Variants in PIAS2 observed in about 807,000 individuals in gnomAD.
PIAS2 encodes protein inhibitor of activated STAT 2, also known as E3 SUMO-protein ligase PIAS2.
Under a neutral mutation model 69.7 loss-of-function variants are expected in PIAS2, and 19 were observed. The ratio of observed to expected loss-of-function variants is 0.27; its 90% CI spans 0.19 to 0.40. The LOEUF (loss-of-function observed/expected upper bound fraction) is 0.40. Ranked by LOEUF, PIAS2 falls within the 10% of genes least tolerant of loss-of-function variation. The pLI is 1.00. For missense variants in PIAS2, 624 were observed against 757.0 expected, an observed-to-expected ratio of 0.82 and a Z score of 2.06; for synonymous variants, 261 against 263.2, an observed-to-expected ratio of 0.99 and a Z score of 0.08.
chr18:46,810,154 C>A lies in PIAS2; in HGVS notation c.*2279G>T, dbSNP rs1027303936. 1 of 148,082 alleles carries A rather than the reference C, an allele frequency of 6.8e-6. No individual in the cohort carries two copies. The highest frequency in any genetic ancestry group is 2.5e-5 in the African/African-American group (1 of 40,044). 9.2% of individuals were successfully genotyped at this position (148,082 alleles called of 1,614,324 possible). On this transcript the variant is annotated 3_prime_UTR_variant, in exon 14 of 14. Transcript: ENST00000585916. ...TATATGTAATTTCAGTGTAAAACAC[C>A]AAAACCGAACATTAAAACTGTTCAC...
chr18:46,906,961 A>T (rs1227294693), intron 1 of PIAS2, among the ~76,000 whole-genome samples: 3 of 152,278 alleles, frequency 2.0e-5, no homozygotes, highest in African/African-American at 7.2e-5. Context: ...ATATAATATT[A>T]AAAAACAAAA....
At chr18:46,877,393 A>G (rs946505808) in intron 2 of PIAS2, among the ~76,000 whole-genome samples, 4 of 152,084 alleles carry the variant, frequency 2.6e-5, no homozygotes, top group Admixed American at 2.0e-4. Flanking sequence ...CTTCTAAGCT[A>G]CCTGCTCTGT....
chr18:46,878,585 T>C (rs2051641191), intron 2 of PIAS2, among the ~76,000 whole-genome samples: 1 of 152,194 alleles, frequency 6.6e-6, no homozygotes, highest in Non-Finnish European at 1.5e-5. Context: ...AAATGCTTCC[T>C]AGGCTAGGTG....
At chr18:46,913,919 C>T (rs1199072682) in intron 1 of PIAS2, among the ~76,000 whole-genome samples, 3 of 152,216 alleles carry the variant, frequency 2.0e-5, no homozygotes, top group Non-Finnish European at 2.9e-5. Context: ...CCTCTTGCCT[C>T]TCAAAGCGCT....
At chr18:46,842,038 G>A (rs2045472075) in intron 8 of PIAS2, among the ~76,000 whole-genome samples, 2 of 151,946 alleles carry the variant, frequency 1.3e-5, no homozygotes, top group Admixed American at 1.3e-4. Context: ...AGATCAGCCT[G>A]GGCAACATGG....
intron 1 of PIAS2, chr18:46,905,959 C>T (rs1201763774): frequency 6.6e-6 from 1 of 151,906 alleles, no homozygotes; most frequent in Non-Finnish European, 1.5e-5. Context: ...TTAAATATCT[C>T]CAAACTGAGT....
intron 8 of PIAS2, among the ~76,000 whole-genome samples, chr18:46,837,667 T>C (rs2044660441): frequency 6.6e-6 from 1 of 152,192 alleles, no homozygotes; most frequent in African/African-American, 2.4e-5. Flanking sequence ...TTTAGTGCTG[T>C]TAAATTCTTA....
chr18:46,836,902 A>G (rs1267470445), intron 8 of PIAS2, among the ~76,000 whole-genome samples: 1 of 152,136 alleles, frequency 6.6e-6, no homozygotes, highest in Admixed American at 6.5e-5. Flanking sequence ...CCCAGGAATG[A>G]TAGTATACAA....
At chr18:46,901,698 G>A (rs573703565) in intron 1 of PIAS2, among the ~76,000 whole-genome samples, 8 of 152,188 alleles carry the variant, frequency 5.3e-5, no homozygotes, top group East Asian at 1.9e-4. Context: ...CAATCAATGC[G>A]AAAAACGCAT....
chr18:46,838,015 G>A (rs767689141), intron 8 of PIAS2, among the ~76,000 whole-genome samples: 13 of 152,108 alleles, frequency 8.5e-5, no homozygotes, highest in Non-Finnish European at 1.8e-4. Flanking sequence ...CGAAGAAGAC[G>A]GACCTATTTT....
intron 5 of PIAS2, among the ~76,000 whole-genome samples, chr18:46,850,405 T>C (rs2046787942): frequency 6.6e-6 from 1 of 152,160 alleles, no homozygotes; most frequent in African/African-American, 2.4e-5. Context: ...CCCAATGCTG[T>C]TGTTCTACTG....
intron 1 of PIAS2, among the ~76,000 whole-genome samples, chr18:46,897,684 G>A (rs2055111851): frequency 6.6e-6 from 1 of 152,076 alleles, no homozygotes. Context: ...CATTCCTGAT[G>A]AAATCTCTCA....
chr18:46,910,540 T>C (rs1257142639), intron 1 of PIAS2, among the ~76,000 whole-genome samples: 2 of 151,984 alleles, frequency 1.3e-5, no homozygotes, highest in Non-Finnish European at 2.9e-5. Context: ...TTCAAGGTAT[T>C]TCCCCATAAA....
chr18:46,860,146 A>G (rs1482550274), intron 3 of PIAS2, among the ~76,000 whole-genome samples: 1 of 152,226 alleles, frequency 6.6e-6, no homozygotes, highest in African/African-American at 2.4e-5. Flanking sequence ...AGTTGGCTGC[A>G]TACCAGAAAC....
At chr18:46,836,321 T>G (rs748653091) in intron 9 of PIAS2, 36 bp downstream of exon 9, 1 of 1,540,206 alleles carries the variant, frequency 6.5e-7, no homozygotes, top group Non-Finnish European at 9.0e-7. Context: ...AGCTGTTGTA[T>G]TAGTCCATAT....
rs1233204363 is a variant in PIAS2 at position 46,917,366 on chromosome 18, CGCCGCCGCT to C, written c.-30_-22del. 1.3e-5 allele frequency: 19 copies of C among 1,457,938 alleles called. No individual in the cohort carries two copies. The highest frequency in any genetic ancestry group is 2.5e-5 in the Admixed American group (1 of 40,468). 90.3% of individuals were successfully genotyped at this position (1,457,938 alleles called of 1,614,324 possible). ...GCCATTTTATACCACCCGCGGGCGC[CGCCGCCGCT>C]GCCGCCGCACCCACTCCCGCTGCCG... On this transcript the variant is annotated 5_prime_UTR_variant, in exon 1 of 14. Transcript: ENST00000585916.
At chr18:46,886,341 A>G (rs2053178914) in intron 2 of PIAS2, among the ~76,000 whole-genome samples, 1 of 152,254 alleles carries the variant, frequency 6.6e-6, no homozygotes, top group Admixed American at 6.5e-5. Flanking sequence ...TTTAAGTAAT[A>G]AATTTATAAT....
At chr18:46,841,323 A>G (rs1005963940) in intron 8 of PIAS2, among the ~76,000 whole-genome samples, 1 of 152,074 alleles carries the variant, frequency 6.6e-6, no homozygotes, top group African/African-American at 2.4e-5. Context: ...ATCACCCTAC[A>G]CTATCATTTT....
intron 1 of PIAS2, chr18:46,907,608 T>C (rs1199807035): frequency 6.6e-6 from 1 of 152,112 alleles, no homozygotes; most frequent in Non-Finnish European, 1.5e-5. Context: ...CAATAACATA[T>C]CCAATAACAA....
Sources: gnomAD v4.1 joint callset for allele counts (sites outside exome capture counted in the v4.1 genomes callset) on GRCh38, gnomAD v4.1.1 for gene constraint, MANE v1.5 for transcripts, NCBI Gene and HGNC (gene_info 2026-07-23, HGNC 2026-07-21) for gene names.